Variants in RBBP6 observed in about 807,000 individuals in gnomAD.
RBBP6 encodes RB binding protein 6, ubiquitin ligase, also known as E3 ubiquitin-protein ligase RBBP6.
In RBBP6, 25 loss-of-function variants were observed where a neutral mutation model predicts 167.7. The ratio of observed to expected loss-of-function variants is 0.15; its 90% confidence interval spans 0.11 to 0.21. RBBP6 has a LOEUF of 0.21. RBBP6 is among the 10% of genes least tolerant of loss of function. The probability of loss-of-function intolerance (pLI) is 1.00; values close to 1 mark genes in which losing one functional copy is unlikely to be tolerated. For synonymous variants in RBBP6, 789 were observed against 735.8 expected, an observed-to-expected ratio of 1.07 and a Z score of -1.17; for missense variants, 1,868 against 2,134.2, an observed-to-expected ratio of 0.88 and a Z score of 2.46.
rs1567268839 is a variant in RBBP6 at position 24,541,180 on chromosome 16, GC to G, written c.166+389del. Among the ~76,000 whole-genome samples, 325 of 55,198 alleles carry G rather than the reference GC, an allele frequency of 5.9e-3. 3 individuals carry two copies. The highest frequency in any genetic ancestry group is 0.034 in the African/African-American group (285 of 8,300). 36.2% of individuals were successfully genotyped at this position (55,198 alleles called of 152,430 possible). ...TGTGCAAAGCTTGTTTGTTCAATCA[GC>G]AAAAAAAAAAACAAAAAAAAAACCA... On this transcript the variant is annotated intron_variant, in intron 1 of 17. Coordinates refer to ENST00000319715, the MANE Select transcript of RBBP6 (RefSeq NM_006910.5).
At chr16:24,567,975 T>C (rs1485766424) in intron 16 of RBBP6, 82 bp downstream of exon 16, 2 of 1,181,142 alleles carry the variant, frequency 1.7e-6, no homozygotes, top group East Asian at 2.4e-5. Flanking sequence ...ATAAAGAACA[T>C]TGCACTTAGG....
intron 1 of RBBP6, 64 bp downstream of exon 1, chr16:24,540,856 G>C: frequency 6.5e-7 from 1 of 1,542,708 alleles, no homozygotes; most frequent in African/African-American, 1.4e-5. Flanking sequence ...GAAGGTGCCT[G>C]GCAGGAAGCT....
At position 24,571,610 on chromosome 16, in the gene RBBP6, C is replaced by T. The variant is rs749109514; in HGVS notation, c.4544C>T (p.Pro1515Leu). The change falls in exon 18 of 18, where the codon CCA becomes CTA. Residue 1515 changes from proline to leucine, a missense_variant. By Grantham distance (98) the Pro-to-Leu change is moderately conservative (BLOSUM62 -3). Coordinates refer to ENST00000319715, the MANE Select transcript of RBBP6 (RefSeq NM_006910.5). ...KDSASGQKNK[P>L]REERDLPKKG... ...TCTGCATCTGGACAGAAAAATAAACCAAGGGAAGAGAGAGATTTGCCTAAA... is the reference window on the plus strand; with the variant it reads ...TCTGCATCTGGACAGAAAAATAAACTAAGGGAAGAGAGAGATTTGCCTAAA... 112 of 1,610,980 alleles carry T rather than the reference C, an allele frequency of 7.0e-5. 3 individuals carry two copies. In the South Asian group the frequency reaches 1.2e-3, roughly 17 times the overall value.
intron 8 of RBBP6, among the ~76,000 whole-genome samples, chr16:24,560,656 T>A (rs545096909): frequency 6.6e-6 from 1 of 152,272 alleles, no homozygotes; most frequent in Non-Finnish European, 1.5e-5. Flanking sequence ...TCATAAATAT[T>A]TGGGGGCAAG....
intron 14 of RBBP6, among the ~76,000 whole-genome samples, chr16:24,566,468 T>C (rs1297849092): frequency 6.6e-6 from 1 of 152,214 alleles, no homozygotes; most frequent in African/African-American, 2.4e-5. Flanking sequence ...ATTTAAACTT[T>C]TGGGGCCAGG....
chr16:24,572,151 C>T lies in RBBP6; in HGVS notation c.5085C>T (p.Ser1695=), dbSNP rs755377177. ...VGISRNQSHS[S]PSVSPSRSHS... is the part of the protein sequence containing the mutation. ...TAAGCAGGAATCAGAGCCACAGCAG[C>T]CCCAGCGTCAGCCCCAGCAGAAGCC... Residue 1695 remains serine (S), a synonymous_variant, in exon 18 of 18, where the codon AGC becomes AGT. Transcript: ENST00000319715. 3 of 1,613,654 alleles carry T rather than the reference C, an allele frequency of 1.9e-6. No homozygotes were observed.
Position 24,569,592 on chromosome 16 carries a change from G to C in RBBP6, c.2902G>C (p.Glu968Gln), listed in dbSNP as rs1899277434. The part of the protein sequence containing the change: ...RKSREPTGVE[E>Q]NKTDSLFVLP... ...ATCAAGAGAACCTACAGGTGTTGAA[G>C]AAAATAAAACAGACTCATTGTTTGT... The change falls in exon 17 of 18, where the codon GAA becomes CAA. Residue 968 changes from glutamate to glutamine, a missense_variant. Physicochemically the swap from Glu to Gln is conservative, Grantham distance 29. Around this residue, in one of 7 missense-constraint regions of RBBP6, gnomAD observed 673 missense variants for 691.5 expected, o/e 0.97. Transcript: ENST00000319715. 6.2e-7 allele frequency: 1 copy of C among 1,612,260 alleles called. No homozygotes were observed. Among genetic ancestry groups the C allele is most frequent in the Non-Finnish European group, 8.5e-7 (1 of 1,179,612 alleles).
chr16:24,562,265 C>A, intron 10 of RBBP6, 104 bp downstream of exon 10: 1 of 1,053,158 alleles, frequency 9.5e-7, no homozygotes, highest in Non-Finnish European at 1.4e-6. Context: ...GACCACTGTG[C>A]TCAGTAATGT....
At position 24,572,331 on chromosome 16, in the gene RBBP6, G is replaced by A; in HGVS notation, c.5265G>A (p.Val1755=). The A allele has an allele frequency of 6.4e-7, 1 of 1,559,438 alleles. No individual in the cohort carries two copies. Among genetic ancestry groups the A allele is most frequent in the Non-Finnish European group, 8.7e-7 (1 of 1,151,128 alleles). Residue 1755 remains valine, a synonymous_variant, in exon 18 of 18, where the codon GTG becomes GTA. Transcript: ENST00000319715. The part of the protein sequence containing the change: ...KKHKKHAGTE[V]ELEKSQKHKH... ...ATAAGAAACATGCAGGCACTGAAGT[G>A]GAATTGGAAAAAAGCCAAAAACACA...
intron 16 of RBBP6, among the ~76,000 whole-genome samples, chr16:24,568,483 G>A (rs551886271): frequency 5.3e-5 from 8 of 152,250 alleles, no homozygotes; most frequent in Admixed American, 3.3e-4. Flanking sequence ...TTTAATGTTA[G>A]TTAGCTCATA....
intron 1 of RBBP6, among the ~76,000 whole-genome samples, chr16:24,542,597 T>C (rs1898530981): frequency 6.6e-6 from 1 of 152,126 alleles, no homozygotes; most frequent in African/African-American, 2.4e-5. Flanking sequence ...TAGCTGGGAC[T>C]ACAGGCATGC....
intron 13 of RBBP6, among the ~76,000 whole-genome samples, chr16:24,564,508 A>AT (rs1332701150): frequency 6.6e-6 from 1 of 152,230 alleles, no homozygotes; most frequent in Non-Finnish European, 1.5e-5. Flanking sequence ...GTATATAACA[A>AT]TAAGTTCACA....
chr16:24,551,218 C>A (rs942338917), intron 3 of RBBP6, among the ~76,000 whole-genome samples: 1 of 151,622 alleles, frequency 6.6e-6, no homozygotes, highest in Non-Finnish European at 1.5e-5. Context: ...AAAACAAGAC[C>A]CCTAATTAGG....
rs1382615043 is a variant in RBBP6, at chr16:24,571,753, A to G, written c.4687A>G (p.Lys1563Glu). Residue 1563 changes from lysine to glutamate, a missense_variant, in exon 18 of 18, where the codon AAA becomes GAA. Physicochemically the swap from Lys to Glu is moderately conservative, Grantham distance 56. Around this residue, in one of 7 missense-constraint regions of RBBP6, gnomAD observed 591 missense variants for 540.5 expected, o/e 1.09. Transcript: ENST00000319715. ...RPNEETKSVD[K>E]NPCKDREKHV... ...AAATGAAGAGACAAAATCTGTAGAT[A>G]AAAATCCTTGTAAGGATCGTGAGAA... 6.2e-7 allele frequency: 1 copy of G among 1,614,170 alleles called. No homozygotes were observed. The highest frequency in any genetic ancestry group is 8.5e-7 in the Non-Finnish European group (1 of 1,180,006).
chr16:24,543,276 T>C (rs896138491), intron 1 of RBBP6, among the ~76,000 whole-genome samples: 14 of 151,236 alleles, frequency 9.3e-5, no homozygotes, highest in Admixed American at 4.0e-4. Flanking sequence ...TATGTGCATG[T>C]TTAGGTCCCT....
intron 7 of RBBP6, among the ~76,000 whole-genome samples, chr16:24,558,917 C>T (rs982485791): frequency 3.3e-5 from 5 of 152,068 alleles, no homozygotes; most frequent in African/African-American, 1.2e-4. Flanking sequence ...TTTGGTATCT[C>T]ATTTTATTAA....
At chr16:24,549,273 C>T (rs1194771390) in intron 3 of RBBP6, 10 of 1,219,722 alleles carry the variant, frequency 8.2e-6, no homozygotes, top group Middle Eastern at 3.2e-4. Flanking sequence ...CTTTTTAGAT[C>T]GTTTAGGTTT....
chr16:24,549,152 T>C (rs1898737455), intron 3 of RBBP6, 171 bp downstream of exon 3: 3 of 1,454,706 alleles, frequency 2.1e-6, no homozygotes, highest in Non-Finnish European at 2.7e-6. Context: ...GTGGCATCAC[T>C]TGCACACTTA....
In RBBP6 at chr16:24,553,434, G is replaced by T. The variant is rs1265175345; in HGVS notation, c.304-79G>T. ...AAATGCCCAATATTTCAACATTAAGGTGTCAATAGGGGCTAAATGATCACT... is the reference window on the plus strand; with the variant it reads ...AAATGCCCAATATTTCAACATTAAGTTGTCAATAGGGGCTAAATGATCACT... On this transcript the variant is annotated intron_variant, in intron 3 of 17. Transcript: ENST00000319715. The T allele has an allele frequency of 1.1e-5, 13 of 1,178,260 alleles. No homozygotes were observed. In the South Asian group the frequency reaches 1.7e-4, roughly 15 times the overall value. The allele number at this position is 1,178,260 out of a possible 1,614,324, so 73.0% of individuals were successfully genotyped here. A position where few individuals can be genotyped will look rare whatever the true frequency, so the allele number is the denominator to read the frequency against.
Sources: allele counts gnomAD v4.1 joint callset (sites outside exome capture counted in the v4.1 genomes callset), GRCh38; gene constraint gnomAD v4.1.1; regional missense constraint gnomAD v4.1.1; transcripts MANE v1.5; gene names NCBI Gene and HGNC (gene_info 2026-07-23, HGNC 2026-07-21).